Variants in VPS13B observed in about 807,000 individuals in gnomAD.
VPS13B encodes intermembrane lipid transfer protein VPS13B.
A neutral mutation model predicts 426.4 loss-of-function variants in VPS13B; 285 were observed. That is an observed-to-expected ratio of 0.67 (90% CI 0.61 to 0.74). VPS13B has a LOEUF of 0.74. Ranked by LOEUF, VPS13B falls within the 30% of genes least tolerant of loss-of-function variation. The pLI is 0.00. For synonymous variants in VPS13B, 1,676 were observed against 1,676.4 expected, an observed-to-expected ratio of 1.00 and a Z score of 0.01; for missense variants, 4,537 against 4,782.6, an observed-to-expected ratio of 0.95 and a Z score of 1.51.
At chr8:99,723,410 T>C (rs1200565026) in intron 39 of VPS13B, among the ~76,000 whole-genome samples, 3 of 152,184 alleles carry the variant, frequency 2.0e-5, no homozygotes, top group Non-Finnish European at 4.4e-5. Flanking sequence ...GAAATGCTTA[T>C]TGGGGTATTT....
At chr8:99,469,635 G>A (rs764207596) in intron 24 of VPS13B, among the ~76,000 whole-genome samples, 61 of 152,092 alleles carry the variant, frequency 4.0e-4, no homozygotes, top group Non-Finnish European at 7.4e-4. Context: ...TGCTGCTAAT[G>A]GTTGCTTTAA....
At position 99,833,450 on chromosome 8, in the gene VPS13B, G is replaced by A. The variant is rs74941823; in HGVS notation, c.9614+798G>A. 6.1e-3 allele frequency among the ~76,000 whole-genome samples: 927 copies of A among 152,208 alleles called. 10 individuals carry two copies. Among genetic ancestry groups the A allele is most frequent in the African/African-American group, 0.021 (858 of 41,538 alleles). ...ATTTAGCAATGCTAACTCTTTTGAT[G>A]TAATATTTTAAAAGACAAGAGAGAT... On this transcript the variant is annotated intron_variant, in intron 52 of 61. Transcript: ENST00000357162.
At chr8:99,525,930 T>C (rs981745624) in intron 30 of VPS13B, among the ~76,000 whole-genome samples, 3 of 152,134 alleles carry the variant, frequency 2.0e-5, no homozygotes, top group African/African-American at 4.8e-5. Flanking sequence ...CAGGGGAATT[T>C]AGCAGGCTGT....
intron 20 of VPS13B, 103 bp downstream of exon 20, chr8:99,384,420 T>A: frequency 1.0e-6 from 1 of 975,122 alleles, no homozygotes; most frequent in Non-Finnish European, 1.6e-6. Flanking sequence ...ACAAATGTAC[T>A]AGATTTCCTT....
At chr8:99,316,668 C>A (rs1352243571) in intron 19 of VPS13B, among the ~76,000 whole-genome samples, 1 of 152,108 alleles carries the variant, frequency 6.6e-6, no homozygotes, top group African/African-American at 2.4e-5. Context: ...TCCCTCACTT[C>A]TTTTTCCTTC....
intron 31 of VPS13B, among the ~76,000 whole-genome samples, chr8:99,562,926 G>A (rs182244848): frequency 2.8e-4 from 43 of 152,208 alleles, no homozygotes; most frequent in African/African-American, 7.5e-4. Flanking sequence ...AGGCCAAAGC[G>A]GGAGGATCGC....
intron 58 of VPS13B, among the ~76,000 whole-genome samples, chr8:99,863,157 A>G (rs920785536): frequency 6.6e-6 from 1 of 152,180 alleles, no homozygotes; most frequent in Non-Finnish European, 1.5e-5. Flanking sequence ...CATTGTTAGA[A>G]GTAACAGTGG....
chr8:99,718,181 G>T (rs1832996947), intron 37 of VPS13B, among the ~76,000 whole-genome samples: 1 of 152,048 alleles, frequency 6.6e-6, no homozygotes, highest in Admixed American at 6.5e-5. Flanking sequence ...CTGGGCTCAA[G>T]TGATCCTCTT....
intron 8 of VPS13B, among the ~76,000 whole-genome samples, chr8:99,122,144 C>T (rs1049553151): frequency 6.6e-6 from 1 of 151,562 alleles, no homozygotes; most frequent in African/African-American, 2.4e-5. Context: ...CAGGTGTTAG[C>T]TATCACGCCC....
At chr8:99,377,664 T>C (rs3105194) in intron 19 of VPS13B, among the ~76,000 whole-genome samples, 142,434 of 152,224 alleles carry the variant, frequency 0.94, 66,770 homozygotes, top group East Asian at 1. Flanking sequence ...CCCTAAGTGT[T>C]GGCTGGTCTT....
chr8:99,514,054 G>T (rs1821929712), intron 29 of VPS13B, among the ~76,000 whole-genome samples: 1 of 152,136 alleles, frequency 6.6e-6, no homozygotes, highest in Admixed American at 6.5e-5. Flanking sequence ...ATTGCAATTA[G>T]ATCTTCATTG....
chr8:99,874,839 C>T (rs1271856777), intron 61 of VPS13B, among the ~76,000 whole-genome samples: 2 of 152,122 alleles, frequency 1.3e-5, no homozygotes, highest in East Asian at 3.9e-4. Context: ...TTTCCCCTTC[C>T]GCTGCCCAGC....
intron 17 of VPS13B, among the ~76,000 whole-genome samples, chr8:99,224,374 C>A (rs1016663678): frequency 7.9e-5 from 12 of 152,078 alleles, no homozygotes; most frequent in African/African-American, 2.9e-4. Flanking sequence ...TCATTTACCT[C>A]ATATTTTCCA....
Position 99,776,957 on chromosome 8 carries a change from G to A in VPS13B, c.7429+1G>A, listed in dbSNP as rs386834106. ...CATCACCTTGACCAACTAGGCACAG[G>A]TACTCTTTTTTTTAGCATCAGAATA... On this transcript the variant is annotated splice_donor_variant, in intron 41 of 61. Transcript: ENST00000357162. LOFTEE classifies it high-confidence loss of function. The A allele has an allele frequency of 3.7e-6, 6 of 1,613,750 alleles. No homozygotes were observed. The highest frequency in any genetic ancestry group is 1.7e-5 in the Admixed American group (1 of 59,992).
At chr8:99,676,050 G>A (rs187599780) in intron 35 of VPS13B, among the ~76,000 whole-genome samples, 1 of 152,104 alleles carries the variant, frequency 6.6e-6, no homozygotes, top group Non-Finnish European at 1.5e-5. Context: ...GGATATTGAA[G>A]AAGTAGGTTC....
At chr8:99,391,793 A>AAG in intron 21 of VPS13B, 89 bp downstream of exon 21, 1 of 1,487,822 alleles carries the variant, frequency 6.7e-7, no homozygotes, top group Non-Finnish European at 9.2e-7. Context: ...ATGCTGGCCA[A>AAG]AGACATGAGA....
intron 36 of VPS13B, among the ~76,000 whole-genome samples, chr8:99,710,718 A>G (rs113729890): frequency 1.9e-3 from 293 of 152,166 alleles, no homozygotes; most frequent in African/African-American, 6.6e-3. Context: ...CTCTTAATAA[A>G]TACTGGCTCA....
Position 99,237,406 on chromosome 8 carries a change from C to T in VPS13B, c.2516-36792C>T, listed in dbSNP as rs141509684. 3.9e-5 allele frequency among the ~76,000 whole-genome samples: 6 copies of T among 152,056 alleles called. No individual in the cohort carries two copies. The East Asian group carries it at 1.2e-3, about 29-fold the overall frequency. On this transcript the variant is annotated intron_variant, in intron 17 of 61. Coordinates refer to ENST00000357162, the MANE Select transcript of VPS13B (RefSeq NM_152564.5). Reference sequence around the variant, plus strand: ...TCACTGTTATCTTTCAATACATTGACAATGCAAGGGTAATAGTTGAGGGTT... The same window carrying T: ...TCACTGTTATCTTTCAATACATTGATAATGCAAGGGTAATAGTTGAGGGTT...
At chr8:99,706,244 T>C (rs960268876) in intron 36 of VPS13B, among the ~76,000 whole-genome samples, 1 of 152,108 alleles carries the variant, frequency 6.6e-6, no homozygotes, top group African/African-American at 2.4e-5. Context: ...TGGATTTCAG[T>C]GTTTGAAGTA....
Sources: gnomAD v4.1 joint callset for allele counts (sites outside exome capture counted in the v4.1 genomes callset) on GRCh38, gnomAD v4.1.1 for gene constraint, MANE v1.5 for transcripts, NCBI Gene and HGNC (gene_info 2026-07-23, HGNC 2026-07-21) for gene names.